The following MYO15B variants were observed in gnomAD, a reference collection of about 807,000 sequenced individuals.
MYO15B encodes the protein myosin XVB, also known as myosin XVB pseudogene.
A neutral mutation model predicts 119.3 loss-of-function variants in MYO15B; 207 were observed. That is an observed-to-expected ratio of 1.73 (90% CI 1.55 to 1.95). The LOEUF is 1.95. Among genes scored for constraint, MYO15B ranks in the 30% most tolerant of loss-of-function variants. The pLI, the probability that MYO15B is intolerant of heterozygous loss-of-function variation, is 0.00. For missense variants in MYO15B, 2,264 were observed against 1,203.1 expected, an observed-to-expected ratio of 1.88 and a Z score of -13.04; for synonymous variants, 966 against 498.9, an observed-to-expected ratio of 1.94 and a Z score of -12.48.
At chr17:75,607,859 C>G (rs919707514) in intron 21 of MYO15B, among the ~76,000 whole-genome samples, 16 of 152,188 alleles carry the variant, frequency 1.1e-4, no homozygotes, top group African/African-American at 3.9e-4. Flanking sequence ...TTCTGAGGAG[C>G]TGCCAAATTG....
chr17:75,613,187 G>T (rs181886341), exon 27 of MYO15B: 59 of 699,116 alleles, frequency 8.4e-5, no homozygotes, highest in South Asian at 8.2e-4. Context: ...CCCACTGCCT[G>T]TCCTACAGAA....
At chr17:75,617,693 G>A (rs1056457491) in intron 41 of MYO15B, 117 bp from the exon 42 acceptor site, 9 of 604,550 alleles carry the variant, frequency 1.5e-5, no homozygotes, top group Non-Finnish European at 2.7e-5. Flanking sequence ...GCAGCTGGAG[G>A]TTGGGAGAGC....
At chr17:75,595,510 C>T (rs2056799450) in intron 12 of MYO15B, among the ~76,000 whole-genome samples, 2 of 152,228 alleles carry the variant, frequency 1.3e-5, no homozygotes, top group South Asian at 4.1e-4. Context: ...ATGAACCTTT[C>T]TGAGGTCCAG....
exon 62 of MYO15B, chr17:75,625,940 A>G (rs911855948): frequency 5.7e-6 from 4 of 702,578 alleles, no homozygotes; most frequent in Non-Finnish European, 7.8e-6. Context: ...CTGGGGCTCA[A>G]CCGCCAGCAT....
intron 12 of MYO15B, among the ~76,000 whole-genome samples, chr17:75,595,855 G>A (rs551645636): frequency 6.6e-6 from 1 of 152,240 alleles, no homozygotes; most frequent in African/African-American, 2.4e-5. Context: ...AGGACAGCCA[G>A]GAGGGGGCTG....
chr17:75,587,943 C>T, exon 1 of MYO15B: 1 of 396,602 alleles, frequency 2.5e-6, no homozygotes, highest in Non-Finnish European at 4.4e-6. Context: ...AGCCTGTAGC[C>T]CCTGCGAGAG....
Position 75,606,023 on chromosome 17 carries a change from T to C in MYO15B, c.4292+2T>C, listed in dbSNP as rs1193966250. On this transcript the variant is annotated splice_donor_variant, in intron 21 of 63. Coordinates refer to ENST00000645453, the Ensembl canonical transcript of MYO15B. LOFTEE classifies it high-confidence loss of function. ...TCGCATGCGTGGGTTCCAGGCCAGG[T>C]CTGCAGGCGTTGGAGCCAGGGCTGA... 2.9e-6 allele frequency: 2 copies of C among 688,336 alleles called. No homozygotes were observed. Among genetic ancestry groups the C allele is most frequent in the Non-Finnish European group, 5.3e-6 (2 of 375,108 alleles). The allele number at this position is 688,336 out of a possible 1,614,324, so 42.6% of individuals were successfully genotyped here.
At chr17:75,610,055 C>G (rs1242746681) in intron 21 of MYO15B, 111 bp from the exon 22 acceptor site, 1 of 544,698 alleles carries the variant, frequency 1.8e-6, no homozygotes, top group Non-Finnish European at 3.3e-6. Flanking sequence ...CAGGGCTTCT[C>G]TGGTCCAAAG....
exon 30 of MYO15B, chr17:75,614,232 G>A: frequency 1.4e-6 from 1 of 702,702 alleles, no homozygotes; most frequent in Non-Finnish European, 2.6e-6. Flanking sequence ...GCTGGTCTGT[G>A]TCACTGCACT....
exon 30 of MYO15B, chr17:75,614,301 G>C (rs2058223111): frequency 1.4e-6 from 1 of 702,792 alleles, no homozygotes; most frequent in Non-Finnish European, 2.6e-6. Flanking sequence ...TGATCAGCCA[G>C]ACTGAGGACC....
intron 21 of MYO15B, among the ~76,000 whole-genome samples, chr17:75,607,740 C>T (rs1022841071): frequency 2.6e-5 from 4 of 152,118 alleles, no homozygotes; most frequent in East Asian, 1.9e-4. Flanking sequence ...GGATTACAGG[C>T]GTGAGCCACT....
intron 12 of MYO15B, 44 bp downstream of exon 12, chr17:75,595,016 A>G: frequency 1.4e-6 from 1 of 695,540 alleles, no homozygotes; most frequent in Admixed American, 2.0e-5. Flanking sequence ...CACCCATATA[A>G]TTCCGATGGA....
rs768890319 is a variant in MYO15B, at chr17:75,619,433, G to T, written c.7139G>T (p.Arg2380Leu). Residue 2380 changes from arginine (R) to leucine (L), a missense_variant, in exon 45 of 64, where the codon CGG (arginine) becomes CTG (leucine). Arg to Leu is a moderately radical substitution (Grantham distance 102). Coordinates refer to ENST00000645453, the Ensembl canonical transcript of MYO15B. ...AAGAAGCGCATCGTGGTGGCCGCTCGGGACAACTGGGCCAATTACTTCTCC... is the reference window on the plus strand; with the variant it reads ...AAGAAGCGCATCGTGGTGGCCGCTCTGGACAACTGGGCCAATTACTTCTCC... The T allele has an allele frequency of 5.7e-6, 4 of 702,526 alleles. No homozygotes were observed. In the African/African-American group the frequency reaches 7.0e-5, roughly 12 times the overall value. The allele number at this position is 702,526 out of a possible 1,614,324, so 43.5% of individuals were successfully genotyped here.
At chr17:75,618,470 T>C (rs549191933) in intron 43 of MYO15B, among the ~76,000 whole-genome samples, 2 of 152,292 alleles carry the variant, frequency 1.3e-5, no homozygotes, top group South Asian at 2.1e-4. Flanking sequence ...CTGGCCAACA[T>C]GGTGAAACTC....
chr17:75,610,161 TC>T lies in MYO15B; in HGVS notation c.4293-3del. On this transcript the variant is annotated splice_region_variant and splice_polypyrimidine_tract_variant and intron_variant, in intron 21 of 63. Coordinates refer to ENST00000645453, the Ensembl canonical transcript of MYO15B. Reference sequence around the variant, plus strand: ...ATTTCGCCCCCGCTCTTTCCCGGCCTCCAGGAAGCGGTACCTCCGGCGGCGG... The same window carrying T: ...ATTTCGCCCCCGCTCTTTCCCGGCCTCAGGAAGCGGTACCTCCGGCGGCGG... 2.9e-6 allele frequency: 2 copies of T among 697,930 alleles called. No homozygotes were observed. Among genetic ancestry groups the T allele is most frequent in the Non-Finnish European group, 5.2e-6 (2 of 381,762 alleles). The allele number at this position is 697,930 out of a possible 1,614,324, so 43.2% of individuals were successfully genotyped here.
intron 19 of MYO15B, among the ~76,000 whole-genome samples, chr17:75,604,543 C>CCCCT (rs1290528888): frequency 1.4e-5 from 2 of 138,950 alleles, no homozygotes; most frequent in African/African-American, 2.7e-5. Flanking sequence ...CCCTTCCACA[C>CCCCT]CCCTCCCTCC....
At position 75,603,080 on chromosome 17, in the gene MYO15B, G is replaced by C; in HGVS notation, c.3891+3G>C. ...GCCTCACCCCTAACCCTGGAAAGGTGAGCTCCCCAGCAACTGGCCTCAGGG... is the reference window on the plus strand; with the variant it reads ...GCCTCACCCCTAACCCTGGAAAGGTCAGCTCCCCAGCAACTGGCCTCAGGG... On this transcript the variant is annotated splice_donor_region_variant and intron_variant, in intron 18 of 63. Coordinates refer to ENST00000645453, the Ensembl canonical transcript of MYO15B. The C allele has an allele frequency of 1.4e-6, 1 of 703,260 alleles. No homozygotes were observed. The highest frequency in any genetic ancestry group is 2.6e-6 in the Non-Finnish European group (1 of 385,048). 43.6% of individuals were successfully genotyped at this position (703,260 alleles called of 1,614,324 possible).
At chr17:75,598,527 CAAAAA>C (rs34267285) in intron 14 of MYO15B, among the ~76,000 whole-genome samples, 29 of 20,628 alleles carry the variant, frequency 1.4e-3, no homozygotes, top group Non-Finnish European at 2.7e-3. Flanking sequence ...GACTCCATCT[CAAAAA>C]AAAAAAAAAA....
intron 63 of MYO15B, 75 bp from the exon 64 acceptor site, chr17:75,626,332 C>T (rs762461130): frequency 8.6e-6 from 6 of 700,936 alleles, no homozygotes; most frequent in South Asian, 4.5e-5. Flanking sequence ...CCCACTGCTC[C>T]GGAGTGCTGT....
Sources: allele counts gnomAD v4.1 joint callset (sites outside exome capture counted in the v4.1 genomes callset), GRCh38; gene constraint gnomAD v4.1.1; transcripts MANE v1.5; gene names NCBI Gene and HGNC (gene_info 2026-07-23, HGNC 2026-07-21).